Variants in FNDC1 observed in about 807,000 individuals in gnomAD.
The protein encoded by FNDC1 is fibronectin type III domain containing 1.
Under a neutral mutation model 168.0 loss-of-function variants are expected in FNDC1, and 96 were observed. The ratio of observed to expected loss-of-function variants is 0.57; its 90% CI spans 0.48 to 0.68. The LOEUF is 0.68. FNDC1 is among the 30% of genes least tolerant of loss of function. The pLI, the probability that FNDC1 is intolerant of heterozygous loss-of-function variation, is 0.00. For synonymous variants in FNDC1, 1,099 were observed against 1,025.9 expected, an observed-to-expected ratio of 1.07 and a Z score of -1.36; for missense variants, 2,587 against 2,482.1, an observed-to-expected ratio of 1.04 and a Z score of -0.90.
At chr6:159,204,186 A>G (rs1180969109) in intron 4 of FNDC1, among the ~76,000 whole-genome samples, 1 of 152,190 alleles carries the variant, frequency 6.6e-6, no homozygotes, top group Non-Finnish European at 1.5e-5. Flanking sequence ...CTGCGTGACA[A>G]TCGCTTGCGG....
Position 159,186,022 on chromosome 6 carries a change from T to G in FNDC1, c.110-11409T>G, listed in dbSNP as rs577787651. 3.3e-5 allele frequency among the ~76,000 whole-genome samples: 5 copies of G among 152,344 alleles called. No individual in the cohort carries two copies. The South Asian group carries it at 1.0e-3, about 32-fold the overall frequency. On this transcript the variant is annotated intron_variant, in intron 1 of 22. Coordinates refer to ENST00000297267, the MANE Select transcript of FNDC1 (RefSeq NM_032532.3). ...TCCAGCTTAAAATGTCTCAGAAACA[T>G]CTTGAGGGATAAGGGAGATTTATTT...
At chr6:159,234,952 T>A (rs774184916) in intron 11 of FNDC1, among the ~76,000 whole-genome samples, 10 of 152,244 alleles carry the variant, frequency 6.6e-5, no homozygotes, top group Non-Finnish European at 1.5e-4. Context: ...TAGATACATA[T>A]GTAGGCTTAT....
intron 1 of FNDC1, among the ~76,000 whole-genome samples, chr6:159,186,727 C>T (rs944473689): frequency 8.5e-5 from 13 of 152,170 alleles, no homozygotes; most frequent in East Asian, 1.9e-4. Flanking sequence ...CACACAGAAA[C>T]GCGTGGAGGT....
At chr6:159,176,925 C>T (rs985326366) in intron 1 of FNDC1, among the ~76,000 whole-genome samples, 4 of 152,182 alleles carry the variant, frequency 2.6e-5, no homozygotes, top group African/African-American at 9.7e-5. Context: ...CCAGTCATAT[C>T]TCATTTGAAG....
At chr6:159,244,367 G>A (rs1375659940) in intron 14 of FNDC1, among the ~76,000 whole-genome samples, 1 of 152,206 alleles carries the variant, frequency 6.6e-6, no homozygotes, top group Non-Finnish European at 1.5e-5. Context: ...CTAAACGGAT[G>A]GATAATTTAC....
chr6:159,232,052 T>C lies in FNDC1; in HGVS notation c.1540T>C (p.Leu514=). Residue 514 remains leucine, a synonymous_variant, in exon 11 of 23, where the codon TTG becomes CTG. Transcript: ENST00000297267. The surrounding 1 kb of genome is among the most constrained non-coding windows in gnomAD (Gnocchi z 4.9). ...TCTTCTTGACTTGAAGAACAAAATA[T>C]TGGCTAATGGTGGGGCGCCCCGAAA... The part of the protein sequence containing the change: ...DLLLDLKNKI[L]ANGGAPRKPQ... The C allele has an allele frequency of 6.2e-7, 1 of 1,613,754 alleles. No individual in the cohort carries two copies.
chr6:159,233,163 C>T lies in FNDC1; in HGVS notation c.2651C>T (p.Pro884Leu), dbSNP rs1251361480. 6.2e-7 allele frequency: 1 copy of T among 1,607,828 alleles called. No homozygotes were observed. The highest frequency in any genetic ancestry group is 8.5e-7 in the Non-Finnish European group (1 of 1,177,350). The change falls in exon 11 of 23, where the codon CCG (proline) becomes CTG (leucine). Residue 884 changes from proline (P) to leucine (L), a missense_variant. Coordinates refer to ENST00000297267, the MANE Select transcript of FNDC1 (RefSeq NM_032532.3). This position sits in a 1 kb window ranked among gnomAD's most constrained non-coding sequence, Gnocchi z 4.6. ...CATGGAGACGAGGAGGATGAGAAGC[C>T]GCTTCCTGCCACCGTTGTCAATGAC... ...GIHGDEEDEK[P>L]LPATVVNDHV...
Position 159,232,385 on chromosome 6 carries a change from T to A in FNDC1, c.1873T>A (p.Ser625Thr). The change falls in exon 11 of 23, where the codon TCC becomes ACC. Residue 625 changes from serine to threonine, a missense_variant. Coordinates refer to ENST00000297267, the MANE Select transcript of FNDC1 (RefSeq NM_032532.3). This position sits in a 1 kb window ranked among gnomAD's most constrained non-coding sequence, Gnocchi z 4.9. Reference sequence around the variant, plus strand: ...TTCGGCCTCTCCTGCCCACCACGCGTCCACCCAGGGCACCTCTCATCGTCC... The same window carrying A: ...TTCGGCCTCTCCTGCCCACCACGCGACCACCCAGGGCACCTCTCATCGTCC... ...SASASPAHHA[S>T]TQGTSHRPSL... The A allele has an allele frequency of 6.2e-7, 1 of 1,613,308 alleles. No homozygotes were observed. Among genetic ancestry groups the A allele is most frequent in the Non-Finnish European group, 8.5e-7 (1 of 1,179,572 alleles).
In FNDC1 at chr6:159,266,327, C is replaced by T. The variant is rs1046322115; in HGVS notation, c.5446+82C>T. The T allele has an allele frequency of 2.4e-4, 349 of 1,430,526 alleles. 1 individual carries two copies. The highest frequency in any genetic ancestry group is 4.6e-4 in the Admixed American group (27 of 58,738). The allele number at this position is 1,430,526 out of a possible 1,614,324, so 88.6% of individuals were successfully genotyped here. ...TACAAACTTGGCACCACAGGTGCAT[C>T]GGAATGTTTATGAGGGCTGGAGCTA... On this transcript the variant is annotated intron_variant, in intron 21 of 22. Transcript: ENST00000297267.
At chr6:159,259,609 C>G (rs1361716099) in intron 18 of FNDC1, among the ~76,000 whole-genome samples, 1 of 152,148 alleles carries the variant, frequency 6.6e-6, no homozygotes, top group Non-Finnish European at 1.5e-5. Context: ...AAAAAAGTAT[C>G]TGTAAAGTTT....
intron 3 of FNDC1, 23 bp downstream of exon 3, chr6:159,200,105 G>A (rs1292083791): frequency 6.5e-7 from 1 of 1,534,334 alleles, no homozygotes; most frequent in Middle Eastern, 1.7e-4. Flanking sequence ...TAGAATCAGA[G>A]GCTGTAGTGT....
Position 159,238,642 on chromosome 6 carries a change from G to A in FNDC1, c.4157G>A (p.Gly1386Glu), listed in dbSNP as rs1783325198. The change falls in exon 13 of 23, where the codon GGA (glycine) becomes GAA (glutamate). Residue 1386 changes from glycine (G) to glutamate (E), a missense_variant. By Grantham distance (98) the Gly-to-Glu change is moderately conservative. Transcript: ENST00000297267. ...SHGNPLRIKL[G>E]GDGRTIVDLE... is the part of the protein sequence containing the mutation. Reference sequence around the variant, plus strand: ...GGAAATCCTCTTCGGATTAAACTAGGAGGAGATGGTCGAACCATTGTAGGT... The same window carrying A: ...GGAAATCCTCTTCGGATTAAACTAGAAGGAGATGGTCGAACCATTGTAGGT... 1 of 1,607,294 alleles carries A rather than the reference G, an allele frequency of 6.2e-7. No homozygotes were observed. The highest frequency in any genetic ancestry group is 8.5e-7 in the Non-Finnish European group (1 of 1,176,710).
At chr6:159,196,549 T>G (rs545470796) in intron 1 of FNDC1, among the ~76,000 whole-genome samples, 1 of 152,244 alleles carries the variant, frequency 6.6e-6, no homozygotes, top group African/African-American at 2.4e-5. Flanking sequence ...TTAAAGTTAC[T>G]GTTTAAAGGT....
In FNDC1 at chr6:159,235,188, G is replaced by A. The variant is rs529278149; in HGVS notation, c.3967+709G>A. Among the ~76,000 whole-genome samples, 6 of 152,294 alleles carry A rather than the reference G, an allele frequency of 3.9e-5. 1 individual carries two copies. In the South Asian group the frequency reaches 1.0e-3, roughly 26 times the overall value. On this transcript the variant is annotated intron_variant, in intron 11 of 22. Coordinates refer to ENST00000297267, the MANE Select transcript of FNDC1 (RefSeq NM_032532.3). ...TATAACAGAGGGTTGAACAAAGTCC[G>A]CTATGAACTGGAATTTATGTCCAGG...
intron 22 of FNDC1, among the ~76,000 whole-genome samples, chr6:159,269,248 T>C (rs1231017315): frequency 2.7e-5 from 3 of 110,562 alleles, no homozygotes; most frequent in African/African-American, 1.4e-4. Context: ...TATCTATCTA[T>C]CCATCTATCA....
intron 14 of FNDC1, chr6:159,243,333 G>C (rs926018666): frequency 1.3e-5 from 2 of 152,174 alleles, no homozygotes; most frequent in African/African-American, 4.8e-5. Flanking sequence ...CCCCACCACA[G>C]CTGGGTCTCC....
chr6:159,211,000 T>G (rs374436), intron 4 of FNDC1, among the ~76,000 whole-genome samples: 73,230 of 152,048 alleles, frequency 0.48, 20,000 homozygotes, highest in African/African-American at 0.74. Context: ...TGCTTCTGGT[T>G]CACACTGAAC....
Position 159,234,496 on chromosome 6 carries a change from A to C in FNDC1, c.3967+17A>C. 1 of 1,611,770 alleles carries C rather than the reference A, an allele frequency of 6.2e-7. No individual in the cohort carries two copies. The highest frequency in any genetic ancestry group is 8.5e-7 in the Non-Finnish European group (1 of 1,179,102). ...ACAGACAAGGTAGTTTATTTTTTCA[A>C]ACAGTCTTTCTTTAAGGTGTTCAGT... On this transcript the variant is annotated intron_variant, in intron 11 of 22. Transcript: ENST00000297267.
chr6:159,229,309 C>T lies in FNDC1; in HGVS notation c.1181-506C>T, dbSNP rs1272456817. ...ATACTAAGAACTTTTATAATTCCTA[C>T]AAAAATGAAATTATATTTCAAATAT... On this transcript the variant is annotated intron_variant, in intron 9 of 22. Transcript: ENST00000297267. 2.0e-5 allele frequency among the ~76,000 whole-genome samples: 3 copies of T among 152,066 alleles called. No individual in the cohort carries two copies. In the East Asian group the frequency reaches 5.8e-4, roughly 29 times the overall value.
Sources: gnomAD v4.1 joint callset for allele counts (sites outside exome capture counted in the v4.1 genomes callset) on GRCh38, gnomAD v4.1.1 for gene constraint, Gnocchi (gnomAD v3.1) non-coding constraint, MANE v1.5 for transcripts, NCBI Gene and HGNC (gene_info 2026-07-23, HGNC 2026-07-21) for gene names.